Variants in RCL1 observed in about 807,000 individuals in gnomAD.
RCL1 encodes the protein RNA terminal phosphate cyclase like 1, also known as RNA 3'-terminal phosphate cyclase-like protein.
RCL1 carries 24 observed loss-of-function variants against 42.4 expected under a neutral mutation model. The ratio of observed to expected loss-of-function variants is 0.57; its 90% CI spans 0.41 to 0.80. The LOEUF (loss-of-function observed/expected upper bound fraction) is 0.80. Ranked by LOEUF, RCL1 falls within the 30% of genes least tolerant of loss-of-function variation. The probability of loss-of-function intolerance (pLI) is 0.00; values close to 1 mark genes in which losing one functional copy is unlikely to be tolerated. For missense variants in RCL1, 578 were observed against 467.9 expected (o/e 1.24, Z -2.17); for synonymous variants, 228 against 177.3 (o/e 1.29, Z -2.27).
intron 7 of RCL1, among the ~76,000 whole-genome samples, chr9:4,846,554 G>A (rs1011335314): frequency 1.4e-5 from 2 of 140,960 alleles, no homozygotes; most frequent in East Asian, 4.0e-4. Context: ...GAAGTTTGTG[G>A]TCTACTTATT....
chr9:4,800,020 A>G (rs1010046999), intron 1 of RCL1, among the ~76,000 whole-genome samples: 2 of 152,120 alleles, frequency 1.3e-5, no homozygotes, highest in African/African-American at 4.8e-5. Flanking sequence ...GCTTTTTTTC[A>G]GTCAGCATGA....
rs778253688 is a variant in RCL1, at chr9:4,823,557, C to A, written c.146C>A (p.Ala49Asp). Residue 49 changes from alanine (A) to aspartate (D), a missense_variant, in exon 2 of 9, where the codon GCC becomes GAC. By Grantham distance (126) the Ala-to-Asp change is moderately radical. Coordinates refer to ENST00000381750, the MANE Select transcript of RCL1 (RefSeq NM_005772.5). ...DDNPGLRDFE[A>D]SFIRLLDKIT... The stretch of plus-strand genomic sequence containing the variant: ...TTTTTTTTCTTCACAGATTTTGAAG[C>A]CAGCTTCATAAGGCTATTGGACAAA... The A allele has an allele frequency of 6.2e-7, 1 of 1,610,066 alleles. No homozygotes were observed. The highest frequency in any genetic ancestry group is 8.5e-7 in the Non-Finnish European group (1 of 1,178,296).
chr9:4,797,535 G>A (rs1842931240), intron 1 of RCL1, among the ~76,000 whole-genome samples: 1 of 152,184 alleles, frequency 6.6e-6, no homozygotes, highest in Non-Finnish European at 1.5e-5. Flanking sequence ...GTCACAGCTT[G>A]GCAGAGGGGA....
At chr9:4,817,537 C>A (rs573866994) in intron 1 of RCL1, among the ~76,000 whole-genome samples, 6 of 151,288 alleles carry the variant, frequency 4.0e-5, no homozygotes, top group African/African-American at 1.5e-4. Context: ...GCAGTGGCTC[C>A]ATCATGGCTC....
At position 4,833,144 on chromosome 9, in the gene RCL1, A is replaced by G; in HGVS notation, c.385-10A>G. The G allele has an allele frequency of 6.3e-7, 1 of 1,599,784 alleles. No individual in the cohort carries two copies. Among genetic ancestry groups the G allele is most frequent in the Admixed American group, 1.7e-5 (1 of 60,000 alleles). ...TAATTAAACTTTTCTTTTCTGAAAT[A>G]ATTTCATAGGTTGATGTTCTTAAGG... On this transcript the variant is annotated splice_polypyrimidine_tract_variant and intron_variant, in intron 3 of 8. Coordinates refer to ENST00000381750, the MANE Select transcript of RCL1 (RefSeq NM_005772.5).
intron 5 of RCL1, among the ~76,000 whole-genome samples, chr9:4,837,076 T>C (rs554782165): frequency 1.3e-5 from 2 of 152,286 alleles, no homozygotes; most frequent in South Asian, 2.1e-4. Flanking sequence ...TAAGGTGATA[T>C]TCAACTCTAG....
Position 4,860,301 on chromosome 9 carries a change from T to G in RCL1, c.*26T>G. 6.2e-7 allele frequency: 1 copy of G among 1,607,612 alleles called. No individual in the cohort carries two copies. The highest frequency in any genetic ancestry group is 2.2e-5 in the East Asian group (1 of 44,566). On this transcript the variant is annotated 3_prime_UTR_variant, in exon 9 of 9. Coordinates refer to ENST00000381750, the MANE Select transcript of RCL1 (RefSeq NM_005772.5). ...TAACCATCACAAGATAAGGCCCCAA[T>G]GCCTACAGACAAAGCAGAAGCTGCC...
chr9:4,808,279 T>C (rs1222160989), intron 1 of RCL1, among the ~76,000 whole-genome samples: 1 of 152,208 alleles, frequency 6.6e-6, no homozygotes, highest in East Asian at 1.9e-4. Flanking sequence ...TATTATATAA[T>C]GTATCACTCT....
intron 5 of RCL1, among the ~76,000 whole-genome samples, chr9:4,836,495 G>T (rs1397888217): frequency 3.9e-5 from 6 of 152,126 alleles, no homozygotes; most frequent in African/African-American, 9.7e-5. Flanking sequence ...TTTGTTTTGG[G>T]ATTTCAGATA....
intron 1 of RCL1, among the ~76,000 whole-genome samples, chr9:4,797,102 A>G (rs948280256): frequency 6.6e-6 from 1 of 152,162 alleles, no homozygotes; most frequent in African/African-American, 2.4e-5. Context: ...GCCTTTCGCT[A>G]TTAGCTCTTG....
intron 8 of RCL1, among the ~76,000 whole-genome samples, chr9:4,854,776 G>T (rs1055433309): frequency 6.6e-6 from 1 of 152,150 alleles, no homozygotes; most frequent in African/African-American, 2.4e-5. Flanking sequence ...ACATAGGAAG[G>T]CCGGGTGCGG....
At chr9:4,809,851 C>G (rs1004410598) in intron 1 of RCL1, among the ~76,000 whole-genome samples, 2 of 151,880 alleles carry the variant, frequency 1.3e-5, no homozygotes, top group African/African-American at 4.8e-5. Flanking sequence ...GAGTCTCACT[C>G]TGTCACCCAG....
chr9:4,794,656 C>T (rs1441871383), intron 1 of RCL1, among the ~76,000 whole-genome samples: 1 of 148,846 alleles, frequency 6.7e-6, no homozygotes, highest in Non-Finnish European at 1.5e-5. Context: ...TTTTTTTTTC[C>T]AGAGAAATGG....
intron 4 of RCL1, 71 bp from the exon 5 acceptor site, chr9:4,834,055 GCTGGTGTAAACCTTC>G: frequency 6.9e-7 from 1 of 1,445,604 alleles, no homozygotes; most frequent in Non-Finnish European, 9.4e-7. Flanking sequence ...GGAAGCATCT[GCTGGTGTAAACCTTC>G]CTGGGCAGGG....
chr9:4,849,066 A>C (rs1817619881), intron 7 of RCL1, among the ~76,000 whole-genome samples: 1 of 151,116 alleles, frequency 6.6e-6, no homozygotes, highest in Admixed American at 6.6e-5. Flanking sequence ...CTTGGAATTA[A>C]CTCTACATCT....
intron 1 of RCL1, among the ~76,000 whole-genome samples, chr9:4,801,817 C>T (rs942488108): frequency 6.7e-6 from 1 of 149,232 alleles, no homozygotes; most frequent in African/African-American, 2.5e-5. Context: ...TGCCTTTGTA[C>T]AAAATCAGTT....
At chr9:4,834,978 C>G (rs754923751) in intron 5 of RCL1, among the ~76,000 whole-genome samples, 1 of 152,204 alleles carries the variant, frequency 6.6e-6, no homozygotes, top group East Asian at 1.9e-4. Flanking sequence ...TTACTTTTGC[C>G]TATAGAAAGG....
At chr9:4,816,457 T>A (rs916440771) in intron 1 of RCL1, among the ~76,000 whole-genome samples, 1 of 152,212 alleles carries the variant, frequency 6.6e-6, no homozygotes, top group Non-Finnish European at 1.5e-5. Flanking sequence ...CCATTCTTTT[T>A]AAAATAGAAT....
At chr9:4,825,312 T>G (rs1816722576) in intron 2 of RCL1, among the ~76,000 whole-genome samples, 1 of 152,230 alleles carries the variant, frequency 6.6e-6, no homozygotes, top group Admixed American at 6.5e-5. Flanking sequence ...TCTGATGATC[T>G]GGCCAGTTTC....
Sources: allele counts gnomAD v4.1 joint callset (sites outside exome capture counted in the v4.1 genomes callset), GRCh38; gene constraint gnomAD v4.1.1; transcripts MANE v1.5; gene names NCBI Gene and HGNC (gene_info 2026-07-23, HGNC 2026-07-21).